Variants in VPS37A observed in about 807,000 individuals in gnomAD.
VPS37A encodes VPS37A subunit of ESCRT-I, also known as vacuolar protein sorting-associated protein 37A.
In VPS37A, 30 loss-of-function variants were observed where a neutral mutation model predicts 49.8. The ratio of observed to expected loss-of-function variants is 0.60; its 90% CI spans 0.45 to 0.82. The LOEUF is 0.82. Among genes scored for constraint, VPS37A ranks in the 40% least tolerant of loss-of-function variants. The pLI, the probability that VPS37A is intolerant of heterozygous loss-of-function variation, is 0.00. For missense variants in VPS37A, 593 were observed against 464.4 expected, an observed-to-expected ratio of 1.28 and a Z score of -2.55; for synonymous variants, 195 against 160.6, an observed-to-expected ratio of 1.21 and a Z score of -1.62.
At chr8:17,279,953 A>C in intron 6 of VPS37A, 75 bp from the exon 7 acceptor site, 1 of 1,596,946 alleles carries the variant, frequency 6.3e-7, no homozygotes, top group Non-Finnish European at 8.6e-7. Context: ...CTAAAGCTGA[A>C]AAATTGTAAA....
chr8:17,281,989 A>G (rs2150406046), intron 9 of VPS37A, among the ~76,000 whole-genome samples: 1 of 152,252 alleles, frequency 6.6e-6, no homozygotes, highest in South Asian at 2.1e-4. Flanking sequence ...TTAGAAATTG[A>G]ATACAGTTCT....
chr8:17,250,508 G>A (rs1240547403), intron 1 of VPS37A, among the ~76,000 whole-genome samples: 2 of 152,054 alleles, frequency 1.3e-5, no homozygotes, highest in Admixed American at 6.6e-5. Flanking sequence ...TCTCCCTCAT[G>A]TTTCGTTTTA....
At chr8:17,300,197 ACTGGAC>A (rs1436709990), downstream of VPS37A, 1 of 1,606,544 alleles carries the variant, frequency 6.2e-7, no homozygotes, top group South Asian at 1.1e-5. Flanking sequence ...GTGCAATTTA[ACTGGAC>A]CTTTTGAATT....
At chr8:17,280,531 G>A in intron 9 of VPS37A, 88 bp downstream of exon 9, 4 of 1,254,136 alleles carry the variant, frequency 3.2e-6, no homozygotes, top group Non-Finnish European at 4.4e-6. Context: ...ATTATCATCA[G>A]AAACCATTTA....
the VPS37A span, among the ~76,000 whole-genome samples, chr8:17,309,994 G>A: frequency 1.3e-5 from 2 of 151,952 alleles, no homozygotes; most frequent in African/African-American, 4.8e-5. Flanking sequence ...ATTTTATATT[G>A]TTTTATATTT....
chr8:17,255,665 A>G (rs1399723210), intron 1 of VPS37A, among the ~76,000 whole-genome samples: 1 of 152,174 alleles, frequency 6.6e-6, no homozygotes, highest in Non-Finnish European at 1.5e-5. Flanking sequence ...TTCTTTTATC[A>G]ACTGTATATT....
Position 17,294,649 on chromosome 8 carries a change from C to T in VPS37A, c.*1-338C>T, listed in dbSNP as rs148811935. Among the ~76,000 whole-genome samples the T allele has an allele frequency of 5.4e-3, 829 of 152,274 alleles. 9 individuals carry two copies. Among genetic ancestry groups the T allele is most frequent in the African/African-American group, 0.019 (790 of 41,568 alleles). On this transcript the variant is annotated intron_variant, in intron 11 of 11. Transcript: ENST00000324849. ...AAAGCGTAGTTTCTGGGCTGGGTAG[C>T]ACAGTCCCTCAAGGCTTCCCTTGGC...
At chr8:17,299,879 C>CGG (rs1816992445), downstream of VPS37A, 1 of 1,613,894 alleles carries the variant, frequency 6.2e-7, no homozygotes, top group East Asian at 2.2e-5. Context: ...GTGAGAAACA[C>CGG]GGCTTCATCA....
At chr8:17,318,059 G>A in the VPS37A span, among the ~76,000 whole-genome samples, 1 of 151,938 alleles carries the variant, frequency 6.6e-6, no homozygotes, top group Non-Finnish European at 1.5e-5. Flanking sequence ...ACATCAAACT[G>A]AGCTGTTAAA....
chr8:17,281,945 A>G (rs929144595), intron 9 of VPS37A, among the ~76,000 whole-genome samples: 10 of 152,118 alleles, frequency 6.6e-5, no homozygotes, highest in African/African-American at 1.9e-4. Context: ...TGAAAGATCC[A>G]TTATTAAAAA....
At chr8:17,263,425 C>T (rs993650648) in intron 1 of VPS37A, among the ~76,000 whole-genome samples, 1 of 151,996 alleles carries the variant, frequency 6.6e-6, no homozygotes, top group Non-Finnish European at 1.5e-5. Flanking sequence ...TCTAGATTGC[C>T]ATGATTAACT....
intron 1 of VPS37A, among the ~76,000 whole-genome samples, chr8:17,250,643 C>G (rs1036975998): frequency 1.3e-5 from 2 of 152,146 alleles, no homozygotes; most frequent in African/African-American, 2.4e-5. Flanking sequence ...CCAACTCTTA[C>G]AATTTTTAAC....
downstream of VPS37A, chr8:17,298,457 T>C (rs543111716): frequency 5.9e-5 from 9 of 152,496 alleles, no homozygotes; most frequent in African/African-American, 1.7e-4. Flanking sequence ...ATTGCAACAC[T>C]CCCTCCAAAT....
At chr8:17,279,909 A>T in intron 6 of VPS37A, 119 bp from the exon 7 acceptor site, 1 of 1,251,210 alleles carries the variant, frequency 8.0e-7, no homozygotes, top group Non-Finnish European at 1.2e-6. Flanking sequence ...CCTTAGGTGT[A>T]TATGTAAAAA....
Position 17,284,520 on chromosome 8 carries a change from T to G in VPS37A, c.1017T>G (p.His339Gln). The G allele has an allele frequency of 6.3e-7, 1 of 1,599,112 alleles. No homozygotes were observed. Among genetic ancestry groups the G allele is most frequent in the Non-Finnish European group, 8.5e-7 (1 of 1,175,404 alleles). ...AGGCAAGATTGAAAGTAGCTGCACA[T>G]GAAGCTGAGGAAGAATCTGATAATA... ...ALQARLKVAA[H>Q]EAEEESDNIA... Residue 339 changes from histidine to glutamine, a missense_variant, in exon 10 of 12, where the codon CAT becomes CAG. Physicochemically the swap from His to Gln is conservative, Grantham distance 24. Transcript: ENST00000324849.
At chr8:17,302,580 GCT>G (rs556432458), downstream of VPS37A, among the ~76,000 whole-genome samples, 29 of 151,466 alleles carry the variant, frequency 1.9e-4, 1 homozygote, top group South Asian at 5.8e-3. Context: ...TAAGAAAATG[GCT>G]CTTAGTTTTG....
intron 11 of VPS37A, among the ~76,000 whole-genome samples, chr8:17,288,424 T>C (rs1316808741): frequency 6.6e-6 from 1 of 152,146 alleles, no homozygotes; most frequent in Non-Finnish European, 1.5e-5. Context: ...CTTGTGCCCA[T>C]ATGTTCTCAT....
At chr8:17,315,051 C>T in the VPS37A span, among the ~76,000 whole-genome samples, 5,162 of 152,212 alleles carry the variant, frequency 0.034, 285 homozygotes, top group African/African-American at 0.11. Context: ...GGTAGTCAGC[C>T]GTGGGCTGAG....
chr8:17,313,651 G>A, the VPS37A span, among the ~76,000 whole-genome samples: 1 of 152,172 alleles, frequency 6.6e-6, no homozygotes, highest in Non-Finnish European at 1.5e-5. Flanking sequence ...ATATATGTAA[G>A]GTTGAAATCC....
Sources: gnomAD v4.1 joint callset for allele counts (sites outside exome capture counted in the v4.1 genomes callset) on GRCh38, gnomAD v4.1.1 for gene constraint, MANE v1.5 for transcripts, NCBI Gene and HGNC (gene_info 2026-07-23, HGNC 2026-07-21) for gene names.